The following PTOV1 variants were observed in gnomAD, a reference collection of about 807,000 sequenced individuals.
The protein encoded by PTOV1 is PTOV1 extended AT-hook containing adaptor protein.
Under a neutral mutation model 58.0 loss-of-function variants are expected in PTOV1, and 20 were observed. That is an observed-to-expected ratio of 0.34 (90% confidence interval 0.24 to 0.50). The LOEUF is 0.50. Ranked by LOEUF, PTOV1 falls within the 20% of genes least tolerant of loss-of-function variation. The probability of loss-of-function intolerance (pLI) is 0.98; values close to 1 mark genes in which losing one functional copy is unlikely to be tolerated. For synonymous variants in PTOV1, 335 were observed against 234.2 expected (o/e 1.43, Z -3.93); for missense variants, 593 against 565.4 (o/e 1.05, Z -0.50).
In PTOV1 at chr19:49,857,633, C is replaced by T. The variant is rs994940916; in HGVS notation, c.715-60C>T. ...GAGGGAGGGATGGCAGGCCCCAGGA[C>T]AGACAGACAGGTTTCCCAGGAGCCT... On this transcript the variant is annotated intron_variant, in intron 6 of 11. Transcript: ENST00000391842. 8.0e-6 allele frequency: 12 copies of T among 1,497,106 alleles called. No homozygotes were observed. In the Admixed American group the frequency reaches 1.4e-4, roughly 18 times the overall value. 92.7% of individuals were successfully genotyped at this position (1,497,106 alleles called of 1,614,324 possible).
At chr19:49,851,478 G>A (rs904934092) in exon 1 of PTOV1, 10 of 1,220,446 alleles carry the variant, frequency 8.2e-6, no homozygotes, top group Non-Finnish European at 1.0e-6. Flanking sequence ...CGCGGATCCG[G>A]GCCCGCTCGG....
At chr19:49,854,295 GC>G (rs1293546929) in intron 1 of PTOV1, 110 bp from the exon 2 acceptor site, 3 of 1,423,900 alleles carry the variant, frequency 2.1e-6, no homozygotes, top group Non-Finnish European at 2.9e-6. Context: ...TGGGCTTCCA[GC>G]AGGGGATTTG....
At chr19:49,858,938 C>T in intron 10 of PTOV1, 1 of 332,876 alleles carries the variant, frequency 3.0e-6, no homozygotes, top group South Asian at 7.8e-5. Flanking sequence ...GCGCCCTTGT[C>T]ACTCCTGGTT....
exon 12 of PTOV1, chr19:49,860,382 G>T (rs139090214): frequency 1.5e-5 from 18 of 1,220,384 alleles, no homozygotes; most frequent in Admixed American, 1.2e-4. Flanking sequence ...TGGGGCATGT[G>T]GGGGGGGTGG....
At chr19:49,851,754 C>T (rs993030636) in intron 1 of PTOV1, 3 of 1,091,766 alleles carry the variant, frequency 2.7e-6, no homozygotes, top group South Asian at 4.5e-5. Flanking sequence ...CTGCTGACTC[C>T]GCGGCCCGAT....
At chr19:49,860,677 T>C in exon 12 of PTOV1, 2 of 385,576 alleles carry the variant, frequency 5.2e-6, no homozygotes, top group Non-Finnish European at 4.7e-6. Flanking sequence ...GAGGATGGTG[T>C]CCTGAGGCCT....
exon 1 of PTOV1, chr19:49,851,275 G>C (rs1261420354): frequency 4.3e-5 from 47 of 1,084,156 alleles, no homozygotes; most frequent in Admixed American, 5.3e-5. Context: ...GGTGGAGCCC[G>C]CAGCCCCCCT....
chr19:49,851,095 T>C (rs1325461087), upstream of PTOV1: 9 of 1,413,946 alleles, frequency 6.4e-6, no homozygotes, highest in South Asian at 1.2e-4. Context: ...CGCGCCGCCT[T>C]GGTACGCTCC....
intron 9 of PTOV1, 174 bp from the exon 10 acceptor site, chr19:49,858,375 G>A (rs979523505): frequency 4.4e-5 from 30 of 681,336 alleles, no homozygotes; most frequent in African/African-American, 1.1e-4. Context: ...ATCTGAGAGC[G>A]GCTTCCACAG....
At chr19:49,853,128 C>A (rs2074318264) in intron 1 of PTOV1, 1 of 152,160 alleles carries the variant, frequency 6.6e-6, no homozygotes, top group East Asian at 1.9e-4. Flanking sequence ...TTTTTAAGCA[C>A]TCACAAAATA....
At chr19:49,852,220 G>T (rs1051360920) in intron 1 of PTOV1, 2 of 352,908 alleles carry the variant, frequency 5.7e-6, no homozygotes, top group Non-Finnish European at 4.0e-6. Context: ...GTTCGCGCTC[G>T]GGTCCGCTTC....
exon 9 of PTOV1, chr19:49,858,062 C>A (rs754561665): frequency 6.2e-7 from 1 of 1,614,026 alleles, no homozygotes; most frequent in Non-Finnish European, 8.5e-7. Context: ...CACAGGAGGA[C>A]CGAGCAGTGG....
upstream of PTOV1, chr19:49,851,123 C>T (rs989254388): frequency 7.3e-5 from 99 of 1,352,384 alleles, no homozygotes; most frequent in African/African-American, 1.5e-3. Context: ...CCCCCTCGGA[C>T]GCGCTTGGTA....
chr19:49,851,236 C>CCGCGCGCCCGCG, exon 1 of PTOV1: 1 of 1,133,728 alleles, frequency 8.8e-7, no homozygotes, highest in Non-Finnish European at 1.1e-6. Context: ...TCCCCCGAAG[C>CCGCGCGCCCGCG]CGCGCGCCCG....
At chr19:49,856,831 T>C in intron 5 of PTOV1, 144 bp from the exon 6 acceptor site, 1 of 981,546 alleles carries the variant, frequency 1.0e-6, no homozygotes, top group Non-Finnish European at 1.5e-6. Context: ...CAGAGGCCCC[T>C]CACCTATGGC....
intron 10 of PTOV1, among the ~76,000 whole-genome samples, chr19:49,859,497 G>A (rs991562342): frequency 2.6e-5 from 4 of 152,030 alleles, no homozygotes; most frequent in African/African-American, 7.3e-5. Flanking sequence ...GCTTGAACCC[G>A]GGAGGCAGAG....
At chr19:49,858,384 A>C (rs1328419532) in intron 9 of PTOV1, 165 bp from the exon 10 acceptor site, 5 of 689,830 alleles carry the variant, frequency 7.2e-6, no homozygotes, top group Non-Finnish European at 1.2e-5. Context: ...CGGCTTCCAC[A>C]GCACTCCAGG....
chr19:49,854,790 G>A (rs757689560), intron 3 of PTOV1, 41 bp from the exon 4 acceptor site: 2 of 1,613,206 alleles, frequency 1.2e-6, no homozygotes, highest in South Asian at 1.1e-5. Context: ...CTGTGGCCGT[G>A]GGGATCAGGG....
chr19:49,859,860 T>G, intron 10 of PTOV1, 126 bp from the exon 11 acceptor site: 1 of 1,005,848 alleles, frequency 9.9e-7, no homozygotes, highest in Non-Finnish European at 1.5e-6. Context: ...CCAGGGTGGG[T>G]GGGGGGTGTG....
Sources: gnomAD v4.1 joint callset for allele counts (sites outside exome capture counted in the v4.1 genomes callset) on GRCh38, gnomAD v4.1.1 for gene constraint, MANE v1.5 for transcripts, NCBI Gene and HGNC (gene_info 2026-07-23, HGNC 2026-07-21) for gene names.